Variants in MUC7 observed in about 807,000 individuals in gnomAD.
MUC7 encodes the protein mucin-7.
A neutral mutation model predicts 2.5 loss-of-function variants in MUC7; 2 were observed. That is an observed-to-expected ratio of 0.81 (90% CI 0.33 to 2.55). The LOEUF is 2.55. Among genes scored for constraint, MUC7 ranks in the 30% most tolerant of loss-of-function variants. The probability of loss-of-function intolerance (pLI) is 0.11; values close to 1 mark genes in which losing one functional copy is unlikely to be tolerated. For missense variants in MUC7, 408 were observed against 455.6 expected (o/e 0.90, Z 0.95); for synonymous variants, 133 against 173.4 (o/e 0.77, Z 1.83).
Position 70,474,049 on chromosome 4 carries a change from A to C in MUC7, c.28A>C (p.Ile10Leu). The C allele has an allele frequency of 6.2e-7, 1 of 1,613,188 alleles. No homozygotes were observed. The highest frequency in any genetic ancestry group is 1.7e-5 in the Admixed American group (1 of 59,978). The change falls in exon 2 of 3, where the codon ATC becomes CTC. Residue 10 changes from isoleucine to leucine, a missense_variant. This residue lies in a region of MUC7 where 225 missense variants were observed against 240.5 expected (regional missense o/e 0.94). Transcript: ENST00000304887. MKTLPLFVCICALSACFSFS... is the reference protein window; with the variant it reads MKTLPLFVCLCALSACFSFS... ...GAAAACTCTGCCGCTGTTTGTGTGC[A>C]TCTGTGCACTGAGTGCTTGCTTCTC...
chr4:70,465,748 T>C (rs1482387752), intron 1 of MUC7, among the ~76,000 whole-genome samples: 1 of 152,082 alleles, frequency 6.6e-6, no homozygotes. Context: ...TGGGACTATG[T>C]GAAAAGACCA....
Position 70,481,610 on chromosome 4 carries a change from C to A in MUC7, c.866C>A (p.Ala289Glu). The stretch of plus-strand genomic sequence containing the variant: ...ACAGCTGCCCCACCCACACCTTCTG[C>A]AACTACACCAGCTCCACCGTCTTCC... Reference protein sequence around the residue: ...ETTAAPPTPSATTPAPPSSPA... With the variant: ...ETTAAPPTPSETTPAPPSSPA... Residue 289 changes from alanine (A) to glutamate (E), a missense_variant, in exon 3 of 3, where the codon GCA becomes GAA. Physicochemically the swap from Ala to Glu is moderately radical, Grantham distance 107 (BLOSUM62 -1). This residue lies in a region of MUC7 where 175 missense variants were observed against 187.1 expected (regional missense o/e 0.94). Transcript: ENST00000304887. 3.1e-6 allele frequency: 5 copies of A among 1,612,788 alleles called. No individual in the cohort carries two copies. Among genetic ancestry groups the A allele is most frequent in the Non-Finnish European group, 4.2e-6 (5 of 1,179,560 alleles).
At chr4:70,470,427 G>A (rs1010751398), upstream of MUC7, among the ~76,000 whole-genome samples, 1 of 152,062 alleles carries the variant, frequency 6.6e-6, no homozygotes, top group Non-Finnish European at 1.5e-5. Context: ...AATAATAAAT[G>A]CATAAGTGTT....
At chr4:70,432,964 C>T (rs1043124885) in intron 1 of MUC7, among the ~76,000 whole-genome samples, 6 of 152,124 alleles carry the variant, frequency 3.9e-5, no homozygotes, top group Admixed American at 6.5e-5. Flanking sequence ...CCAGTTTTCC[C>T]GACACCACTT....
At chr4:70,434,572 T>G (rs574803754) in intron 1 of MUC7, among the ~76,000 whole-genome samples, 2 of 152,336 alleles carry the variant, frequency 1.3e-5, no homozygotes, top group African/African-American at 4.8e-5. Context: ...GATATCCCCT[T>G]TATCATTTTT....
intron 1 of MUC7, among the ~76,000 whole-genome samples, chr4:70,443,707 C>A (rs1734059605): frequency 6.6e-6 from 1 of 152,050 alleles, no homozygotes; most frequent in South Asian, 2.1e-4. Context: ...TAAAATAAAA[C>A]AACCTACCCA....
intron 1 of MUC7, among the ~76,000 whole-genome samples, chr4:70,465,665 T>C (rs1376657885): frequency 6.6e-6 from 1 of 151,884 alleles, no homozygotes; most frequent in Non-Finnish European, 1.5e-5. Context: ...AAGATCAACT[T>C]AATGAAATAA....
rs779759323 is a variant in MUC7, at chr4:70,481,201, A to T, written c.457A>T (p.Thr153Ser). 4.2e-5 allele frequency: 67 copies of T among 1,614,078 alleles called. No individual in the cohort carries two copies. In the Admixed American group the frequency reaches 1.1e-3, roughly 27 times the overall value. The change falls in exon 3 of 3, where the codon ACA becomes TCA. Residue 153 changes from threonine (T) to serine (S), a missense_variant. Coordinates refer to ENST00000304887, the MANE Select transcript of MUC7 (RefSeq NM_152291.3). ...TGTTAACACAAGCTCTTCTGTAGCTACATTAGCACCAGTGAATTCCCCAGC... is the reference window on the plus strand; with the variant it reads ...TGTTAACACAAGCTCTTCTGTAGCTTCATTAGCACCAGTGAATTCCCCAGC... ...ENVNTSSSVA[T>S]LAPVNSPAPQ...
chr4:70,474,334 A>G (rs1254866067), intron 2 of MUC7, among the ~76,000 whole-genome samples: 1 of 152,034 alleles, frequency 6.6e-6, no homozygotes, highest in Non-Finnish European at 1.5e-5. Flanking sequence ...ACATAATGAG[A>G]CAGTATCTCC....
chr4:70,453,802 C>G (rs1416605049), intron 1 of MUC7, among the ~76,000 whole-genome samples: 1 of 152,106 alleles, frequency 6.6e-6, no homozygotes, highest in Non-Finnish European at 1.5e-5. Context: ...ATATGGCATA[C>G]TACCTTGGTA....
intron 1 of MUC7, among the ~76,000 whole-genome samples, chr4:70,463,874 C>T (rs939829612): frequency 1.3e-5 from 2 of 152,184 alleles, no homozygotes; most frequent in African/African-American, 4.8e-5. Context: ...TCTCAAACTC[C>T]ATAACTGAGA....
rs537355500 is a variant in MUC7, at chr4:70,462,815, A to T, written c.-92-9400A>T. 0.014 allele frequency among the ~76,000 whole-genome samples: 2,142 copies of T among 152,198 alleles called. 81 individuals carry two copies. In the South Asian group the frequency reaches 0.16, roughly 11 times the overall value. On this transcript the variant is annotated intron_variant, in intron 1 of 3. Transcript: ENST00000413702. ...TAGCAAGACCCTATCTCTAAAAAAAAAAATAAATTAGCTTGGCATGGTGAT... is the reference window on the plus strand; with the variant it reads ...TAGCAAGACCCTATCTCTAAAAAAATAAATAAATTAGCTTGGCATGGTGAT...
At chr4:70,434,450 G>C (rs935772773) in intron 1 of MUC7, among the ~76,000 whole-genome samples, 4 of 152,182 alleles carry the variant, frequency 2.6e-5, no homozygotes, top group Non-Finnish European at 2.9e-5. Context: ...ACTCTTGGGA[G>C]GGTGTATGTG....
chr4:70,436,610 A>G (rs897035300), intron 1 of MUC7, among the ~76,000 whole-genome samples: 1 of 152,020 alleles, frequency 6.6e-6, no homozygotes, highest in African/African-American at 2.4e-5. Context: ...CCTTTTTTCA[A>G]TGTTTTTAGC....
chr4:70,459,636 T>C (rs1214631886), intron 1 of MUC7, among the ~76,000 whole-genome samples: 1 of 152,150 alleles, frequency 6.6e-6, no homozygotes, highest in Non-Finnish European at 1.5e-5. Flanking sequence ...GGAAGCTTTA[T>C]ATACAGACAG....
chr4:70,435,163 C>T (rs901386888), intron 1 of MUC7, among the ~76,000 whole-genome samples: 2 of 152,120 alleles, frequency 1.3e-5, no homozygotes, highest in Non-Finnish European at 2.9e-5. Context: ...TGAAATGGTG[C>T]TGAGAAGAAT....
At position 70,481,753 on chromosome 4, in the gene MUC7, G is replaced by A. The variant is rs140400109; in HGVS notation, c.1009G>A (p.Val337Ile). Residue 337 changes from valine (V) to isoleucine (I), a missense_variant, in exon 3 of 3, where the codon GTC (valine) becomes ATC (isoleucine). Transcript: ENST00000304887. ...ACCCACACACCAGACTACTACTTCG[G>A]TCACTACTCAAACTACTACTACTAA... ...AAPTHQTTTS[V>I]TTQTTTTKQP... The A allele has an allele frequency of 8.8e-4, 1,417 of 1,614,148 alleles. 14 individuals carry two copies. In the African/African-American group the frequency reaches 0.017, roughly 19 times the overall value.
intron 2 of MUC7, among the ~76,000 whole-genome samples, chr4:70,474,338 T>C (rs1323927189): frequency 1.3e-5 from 2 of 152,024 alleles, no homozygotes; most frequent in African/African-American, 2.4e-5. Context: ...AATGAGACAG[T>C]ATCTCCACAA....
At chr4:70,446,716 A>G (rs1734149693) in intron 1 of MUC7, among the ~76,000 whole-genome samples, 1 of 152,120 alleles carries the variant, frequency 6.6e-6, no homozygotes, top group African/African-American at 2.4e-5. Context: ...ACCATTTACC[A>G]TGCTTCTCTT....
Sources: gnomAD v4.1 joint callset for allele counts (sites outside exome capture counted in the v4.1 genomes callset) on GRCh38, gnomAD v4.1.1 for gene constraint, gnomAD v4.1.1 regional missense constraint, MANE v1.5 for transcripts, NCBI Gene and HGNC (gene_info 2026-07-23, HGNC 2026-07-21) for gene names.